The following BICRA variants were observed in gnomAD, a reference collection of about 807,000 sequenced individuals.
The protein encoded by BICRA is BRD4 interacting chromatin remodeling complex associated protein, also known as BRD4-interacting chromatin-remodeling complex-associated protein.
BICRA carries 31 observed loss-of-function variants against 96.9 expected under a neutral mutation model. The observed-to-expected ratio is 0.32, with a 90% CI of 0.24 to 0.43. The LOEUF (loss-of-function observed/expected upper bound fraction) is 0.43. Among genes scored for constraint, BICRA ranks in the 20% least tolerant of loss-of-function variants. BICRA has a pLI of 1.00. For synonymous variants in BICRA, 1,350 were observed against 1,071.8 expected (o/e 1.26, Z -5.07); for missense variants, 2,283 against 2,190.3 (o/e 1.04, Z -0.84).
At chr19:47,656,445 G>T (rs953044546) in intron 1 of BICRA, among the ~76,000 whole-genome samples, 1 of 152,188 alleles carries the variant, frequency 6.6e-6, no homozygotes, top group Admixed American at 6.5e-5. Flanking sequence ...GTTGGTGAAA[G>T]CATTGTGGCC....
At position 47,694,325 on chromosome 19, in the gene BICRA, C is replaced by A; in HGVS notation, c.2494C>A (p.Pro832Thr). 1.9e-6 allele frequency: 2 copies of A among 1,046,808 alleles called. No homozygotes were observed. The highest frequency in any genetic ancestry group is 2.8e-6 in the Non-Finnish European group (2 of 723,556). The allele number at this position is 1,046,808 out of a possible 1,614,324, so 64.8% of individuals were successfully genotyped here. ...CCCACCCCAGGCCCCCCCAACTCTG[C>A]CTGGCATCTTTGTCATCCAAAACCA... Reference protein sequence around the residue: ...CPPPQAPPTLPGIFVIQNQLG... With the variant: ...CPPPQAPPTLTGIFVIQNQLG... Residue 832 changes from proline to threonine, a missense_variant, in exon 8 of 15, where the codon CCT becomes ACT. Physicochemically the swap from Pro to Thr is conservative, Grantham distance 38 (BLOSUM62 -1). Coordinates refer to ENST00000594866, the MANE Select transcript of BICRA (RefSeq NM_001394372.1).
intron 1 of BICRA, among the ~76,000 whole-genome samples, chr19:47,648,670 T>TA (rs1972498125): frequency 6.7e-6 from 1 of 149,742 alleles, no homozygotes; most frequent in Non-Finnish European, 1.5e-5. Context: ...TCAGGAGTTT[T>TA]TTTTTTTTGT....
chr19:47,660,681 G>T (rs994305537), intron 1 of BICRA, among the ~76,000 whole-genome samples: 4 of 152,188 alleles, frequency 2.6e-5, no homozygotes, highest in African/African-American at 9.6e-5. Context: ...AGTGGCAGAG[G>T]TGGGGAACCT....
At chr19:47,664,579 T>C (rs1972748114) in intron 1 of BICRA, among the ~76,000 whole-genome samples, 1 of 152,072 alleles carries the variant, frequency 6.6e-6, no homozygotes, top group African/African-American at 2.4e-5. Flanking sequence ...TCCGTGGGGA[T>C]GGGGAGGGAT....
rs59537690 is a variant in BICRA at position 47,637,042 on chromosome 19, GTCTC to G, written c.-108+27879_-108+27882del. 6.9e-3 allele frequency among the ~76,000 whole-genome samples: 1,057 copies of G among 152,202 alleles called. 19 individuals are homozygous for G. Among genetic ancestry groups the G allele is most frequent in the African/African-American group, 0.024 (987 of 41,522 alleles). On this transcript the variant is annotated intron_variant, in intron 1 of 14. Transcript: ENST00000594866. ...GTTTAAAATTGCAACTCCCTTGCGC[GTCTC>G]TCTCACTGCTTATTCTTCATAGCAC...
At chr19:47,623,362 T>C (rs1382333621) in intron 1 of BICRA, among the ~76,000 whole-genome samples, 1 of 152,184 alleles carries the variant, frequency 6.6e-6, no homozygotes, top group African/African-American at 2.4e-5. Flanking sequence ...CTCCATGGGC[T>C]GCAGGTAGTA....
chr19:47,627,612 T>C lies in BICRA; in HGVS notation c.-108+18444T>C, dbSNP rs927161163. Among the ~76,000 whole-genome samples, 13 of 152,064 alleles carry C rather than the reference T, an allele frequency of 8.5e-5. 1 individual carries two copies. Among genetic ancestry groups the C allele is most frequent in the Admixed American group, 5.9e-4 (9 of 15,248 alleles). On this transcript the variant is annotated intron_variant, in intron 1 of 14. Coordinates refer to ENST00000594866, the MANE Select transcript of BICRA (RefSeq NM_001394372.1). ...TGCTGTTGATACTAAGAGGGAGATC[T>C]AAGGACAGCCATTGCAGTTCCACTT...
chr19:47,696,728 G>A (rs1162255246), intron 11 of BICRA, among the ~76,000 whole-genome samples: 2 of 152,204 alleles, frequency 1.3e-5, no homozygotes, highest in Admixed American at 6.5e-5. Context: ...CTGTGGCTCC[G>A]CCAGGCTGGG....
Position 47,694,592 on chromosome 19 carries a change from A to ACCC in BICRA, c.2762_2763insCCC (p.Pro924dup). 1 of 1,203,656 alleles carries ACCC rather than the reference A, an allele frequency of 8.3e-7. No homozygotes were observed. Among genetic ancestry groups the ACCC allele is most frequent in the South Asian group, 1.5e-5 (1 of 68,438 alleles). The allele number at this position is 1,203,656 out of a possible 1,614,324, so 74.6% of individuals were successfully genotyped here. A position where few individuals can be genotyped will look rare whatever the true frequency, so the allele number is the denominator to read the frequency against. Reference sequence around the variant, plus strand: ...CAGCCAGGGGCCCCACAAGTCCCCCACTCCCCCTCCAACCCTCCACCTGGT... The same window carrying ACCC: ...CAGCCAGGGGCCCCACAAGTCCCCCACCCCTCCCCCTCCAACCCTCCACCTGGT... On this transcript the variant is annotated inframe_insertion, in exon 8 of 15. Transcript: ENST00000594866.
Position 47,701,636 on chromosome 19 carries a change from G to T in BICRA, c.3904G>T (p.Ala1302Ser). 1.9e-6 allele frequency: 3 copies of T among 1,586,944 alleles called. No individual in the cohort carries two copies. The highest frequency in any genetic ancestry group is 1.7e-4 in the Middle Eastern group (1 of 6,026). Residue 1302 changes from alanine (A) to serine (S), a missense_variant, in exon 15 of 15, where the codon GCC (alanine) becomes TCC (serine). Coordinates refer to ENST00000594866, the MANE Select transcript of BICRA (RefSeq NM_001394372.1). This position sits in a 1 kb window ranked among gnomAD's most constrained non-coding sequence, Gnocchi z 5.4. Reference protein sequence around the residue: ...RNRPPIKTYEARSRIGLKLKI... With the variant: ...RNRPPIKTYESRSRIGLKLKI... Reference sequence around the variant, plus strand: ...CCGCCCGCCCATCAAGACCTACGAGGCCCGGAGCCGCATCGGGCTCAAGCT... The same window carrying T: ...CCGCCCGCCCATCAAGACCTACGAGTCCCGGAGCCGCATCGGGCTCAAGCT...
intron 1 of BICRA, among the ~76,000 whole-genome samples, chr19:47,634,487 G>A (rs28377935): frequency 6.2e-4 from 94 of 152,198 alleles, no homozygotes; most frequent in African/African-American, 2.2e-3. Context: ...TCTCCCCCTT[G>A]ATCACTGGCA....
chr19:47,624,633 A>T (rs1972113522), intron 1 of BICRA, among the ~76,000 whole-genome samples: 1 of 152,112 alleles, frequency 6.6e-6, no homozygotes, highest in South Asian at 2.1e-4. Flanking sequence ...TCGTAAAAAA[A>T]TGCTGTGTCT....
intron 1 of BICRA, among the ~76,000 whole-genome samples, chr19:47,632,091 G>T (rs1972229544): frequency 6.6e-6 from 1 of 152,186 alleles, no homozygotes; most frequent in East Asian, 1.9e-4. Flanking sequence ...AGTGAGATGG[G>T]AGCCATGGGA....
At chr19:47,664,259 C>T (rs1399932621) in intron 1 of BICRA, among the ~76,000 whole-genome samples, 2 of 152,154 alleles carry the variant, frequency 1.3e-5, no homozygotes, top group Non-Finnish European at 2.9e-5. Context: ...AATTCCGTAT[C>T]CTGCTAGCAG....
chr19:47,657,922 C>CTG (rs1555787375), intron 1 of BICRA, among the ~76,000 whole-genome samples: 1 of 150,890 alleles, frequency 6.6e-6, no homozygotes, highest in African/African-American at 2.4e-5. Context: ...CTTATACTCT[C>CTG]TCTCTCTCGT....
chr19:47,694,062 C>G, intron 7 of BICRA, 53 bp from the exon 8 acceptor site: 8 of 1,453,752 alleles, frequency 5.5e-6, no homozygotes, highest in Non-Finnish European at 7.2e-6. Context: ...GCAACAGGAG[C>G]TATGGTTGGT....
chr19:47,648,120 C>T (rs1054070317), intron 1 of BICRA, among the ~76,000 whole-genome samples: 1 of 152,016 alleles, frequency 6.6e-6, no homozygotes, highest in African/African-American at 2.4e-5. Context: ...CCGTCCCTCT[C>T]TCTGTCTCTC....
intron 1 of BICRA, among the ~76,000 whole-genome samples, chr19:47,610,877 T>C (rs1215074851): frequency 2.6e-5 from 4 of 152,118 alleles, no homozygotes. Flanking sequence ...TCCCATGCAC[T>C]GGTAGGACTT....
chr19:47,694,302 C>T lies in BICRA; in HGVS notation c.2471C>T (p.Pro824Leu), dbSNP rs1289303734. The T allele has an allele frequency of 5.6e-6, 5 of 899,952 alleles. No individual in the cohort carries two copies. Among genetic ancestry groups the T allele is most frequent in the Non-Finnish European group, 6.9e-6 (4 of 579,040 alleles). The allele number at this position is 899,952 out of a possible 1,614,324, so 55.7% of individuals were successfully genotyped here. ...GAGCCACCCTTGCACCCTTGCCCCC[C>T]ACCCCAGGCCCCCCCAACTCTGCCT... ...PSEPPLHPCPPPQAPPTLPGI... is the reference protein window; with the variant it reads ...PSEPPLHPCPLPQAPPTLPGI... The change falls in exon 8 of 15, where the codon CCA becomes CTA. Residue 824 changes from proline (P) to leucine (L), a missense_variant. Physicochemically the swap from Pro to Leu is moderately conservative, Grantham distance 98 (BLOSUM62 -3). Coordinates refer to ENST00000594866, the MANE Select transcript of BICRA (RefSeq NM_001394372.1).
Sources: gnomAD v4.1 joint callset for allele counts (sites outside exome capture counted in the v4.1 genomes callset) on GRCh38, gnomAD v4.1.1 for gene constraint, Gnocchi (gnomAD v3.1) non-coding constraint, MANE v1.5 for transcripts, NCBI Gene and HGNC (gene_info 2026-07-23, HGNC 2026-07-21) for gene names.